The following STRIP2 variants were observed in gnomAD, a reference collection of about 807,000 sequenced individuals.
STRIP2 encodes the protein striatin interacting protein 2, also known as striatin-interacting protein 2.
In STRIP2, 84 loss-of-function variants were observed where a neutral mutation model predicts 107.1. The ratio of observed to expected loss-of-function variants is 0.78; its 90% CI spans 0.66 to 0.94. The LOEUF (loss-of-function observed/expected upper bound fraction) is 0.94. STRIP2 is among the 40% of genes least tolerant of loss of function. The probability of loss-of-function intolerance (pLI) is 0.00; values close to 1 mark genes in which losing one functional copy is unlikely to be tolerated. For synonymous variants in STRIP2, 394 were observed against 400.4 expected (o/e 0.98, Z 0.19); for missense variants, 888 against 1,034.2 (o/e 0.86, Z 1.94).
In STRIP2 at chr7:129,464,672, T is replaced by C. The variant is rs1798628421; in HGVS notation, c.1710T>C (p.Ile570=). The part of the protein sequence containing the change: ...GIDVNRHKEI[I]VKSISTLLLL... ...ATGTGAACAGGCACAAGGAGATTAT[T>C]GTAAAGAGTATCTCTACCCTGCTTC... The change falls in exon 16 of 21, where the codon ATT becomes ATC. Residue 570 remains isoleucine (I), a synonymous_variant. Coordinates refer to ENST00000249344, the MANE Select transcript of STRIP2 (RefSeq NM_020704.3). 3 of 1,614,096 alleles carry C rather than the reference T, an allele frequency of 1.9e-6. No homozygotes were observed. Among genetic ancestry groups the C allele is most frequent in the Middle Eastern group, 1.6e-4 (1 of 6,062 alleles).
intron 3 of STRIP2, among the ~76,000 whole-genome samples, chr7:129,449,747 G>A (rs1426981972): frequency 6.6e-6 from 1 of 152,194 alleles, no homozygotes; most frequent in Non-Finnish European, 1.5e-5. Flanking sequence ...TTGCAGTTCA[G>A]CCATTCACAT....
Position 129,455,226 on chromosome 7 carries a change from C to T in STRIP2, c.707-18C>T. Reference sequence around the variant, plus strand: ...GCCTCATCCTCACTTTCTCACTCCCCTCTCTCCTCACCCCTAGGCTTCTCC... The same window carrying T: ...GCCTCATCCTCACTTTCTCACTCCCTTCTCTCCTCACCCCTAGGCTTCTCC... On this transcript the variant is annotated intron_variant, in intron 7 of 20. Transcript: ENST00000249344. 1 of 1,600,852 alleles carries T rather than the reference C, an allele frequency of 6.2e-7. No homozygotes were observed. The highest frequency in any genetic ancestry group is 8.5e-7 in the Non-Finnish European group (1 of 1,175,132).
intron 17 of STRIP2, among the ~76,000 whole-genome samples, chr7:129,469,598 G>C (rs999365438): frequency 3.9e-5 from 6 of 152,210 alleles, no homozygotes; most frequent in Non-Finnish European, 5.9e-5. Flanking sequence ...AAATCCAATA[G>C]AGTGAATCAA....
Position 129,485,757 on chromosome 7 carries a change from A to G in STRIP2, c.2433A>G (p.Ser811=), listed in dbSNP as rs1342427656. The change falls in exon 21 of 21, where the codon TCA becomes TCG. Residue 811 remains serine (S), a synonymous_variant. Transcript: ENST00000249344. ...RLDLPEDFHY[S]YELWLEREVF... ...ATCTGCCTGAAGATTTCCACTATTC[A>G]TATGAGCTCTGGCTCGAGAGAGAGG... 1.4e-5 allele frequency: 22 copies of G among 1,614,110 alleles called. No individual in the cohort carries two copies. Among genetic ancestry groups the G allele is most frequent in the Non-Finnish European group, 1.9e-5 (22 of 1,180,058 alleles).
rs1242500791 is a variant in STRIP2 at position 129,451,594 on chromosome 7, T to C, written c.275-19T>C. 2.5e-6 allele frequency: 4 copies of C among 1,613,936 alleles called. No individual in the cohort carries two copies. Among genetic ancestry groups the C allele is most frequent in the Non-Finnish European group, 3.4e-6 (4 of 1,179,922 alleles). On this transcript the variant is annotated intron_variant, in intron 3 of 20. Coordinates refer to ENST00000249344, the MANE Select transcript of STRIP2 (RefSeq NM_020704.3). ...GTGGCAATAGCTGACACTGGATGTA[T>C]ATGGCCTTTTATTCCCAGTGCAGGG...
intron 18 of STRIP2, among the ~76,000 whole-genome samples, chr7:129,474,175 A>T (rs1798860579): frequency 6.6e-6 from 1 of 150,930 alleles, no homozygotes; most frequent in African/African-American, 2.4e-5. Context: ...CAGGGTCTCG[A>T]AGTTGCTCAG....
At position 129,483,306 on chromosome 7, in the gene STRIP2, A is replaced by T; in HGVS notation, c.2254+260A>T. Reference sequence around the variant, plus strand: ...AGATAATTAATTGCCTTTCCAAAACATTCTTTTAAATGACAGCTTTCTCCA... The same window carrying T: ...AGATAATTAATTGCCTTTCCAAAACTTTCTTTTAAATGACAGCTTTCTCCA... On this transcript the variant is annotated intron_variant, in intron 20 of 20. Coordinates refer to ENST00000249344, the MANE Select transcript of STRIP2 (RefSeq NM_020704.3). This position sits in a 1 kb window ranked among gnomAD's most constrained non-coding sequence, Gnocchi z 5.1. The T allele has an allele frequency of 8.3e-7, 1 of 1,199,162 alleles. No individual in the cohort carries two copies. Among genetic ancestry groups the T allele is most frequent in the African/African-American group, 1.5e-5 (1 of 64,544 alleles). 74.3% of individuals were successfully genotyped at this position (1,199,162 alleles called of 1,614,324 possible).
At chr7:129,476,181 C>T (rs1287251892) in intron 18 of STRIP2, among the ~76,000 whole-genome samples, 27 of 144,600 alleles carry the variant, frequency 1.9e-4, no homozygotes, top group African/African-American at 4.8e-4. Context: ...GGCGGCTGGC[C>T]GGGCGGGGGC....
intron 1 of STRIP2, among the ~76,000 whole-genome samples, chr7:129,438,089 G>T (rs186643385): frequency 6.6e-6 from 1 of 152,226 alleles, no homozygotes; most frequent in Non-Finnish European, 1.5e-5. Flanking sequence ...ACAGGCGTGA[G>T]CCACTGCGCC....
chr7:129,475,019 G>A (rs556479106), intron 18 of STRIP2, among the ~76,000 whole-genome samples: 1 of 152,256 alleles, frequency 6.6e-6, no homozygotes, highest in South Asian at 2.1e-4. Flanking sequence ...CTCCCACCTG[G>A]TACAGGAAGT....
At chr7:129,457,728 A>G (rs1204931413) in intron 9 of STRIP2, among the ~76,000 whole-genome samples, 1 of 152,252 alleles carries the variant, frequency 6.6e-6, no homozygotes, top group Admixed American at 6.5e-5. Context: ...ACAACCAGAG[A>G]CAGTCACTGT....
intron 19 of STRIP2, among the ~76,000 whole-genome samples, chr7:129,482,289 T>C (rs2151020365): frequency 6.6e-6 from 1 of 151,454 alleles, no homozygotes; most frequent in East Asian, 1.9e-4. Flanking sequence ...TACCATATGC[T>C]TTGAATATTG....
rs12540253 is a variant in STRIP2 at position 129,465,518 on chromosome 7, A to G, written c.1776+780A>G. On this transcript the variant is annotated intron_variant, in intron 16 of 20. Transcript: ENST00000249344. ...GAAGCTGGAGGAATCGGCAAGGAGC[A>G]AATCATAATCTATATGCTAACACAC... Among the ~76,000 whole-genome samples the G allele has an allele frequency of 3.0e-3, 464 of 152,322 alleles. 2 individuals carry two copies. The highest frequency in any genetic ancestry group is 0.019 in the South Asian group (90 of 4,824).
chr7:129,480,643 G>A, intron 18 of STRIP2, 142 bp from the exon 19 acceptor site: 1 of 637,338 alleles, frequency 1.6e-6, no homozygotes, highest in Non-Finnish European at 2.7e-6. Flanking sequence ...GGAGACTTCA[G>A]TGTGTTAAGA....
intron 4 of STRIP2, 32 bp downstream of exon 4, chr7:129,451,779 G>A (rs749939626): frequency 1.5e-5 from 24 of 1,611,550 alleles, no homozygotes; most frequent in Middle Eastern, 2.0e-4. Context: ...CTTTAGAGGG[G>A]TGGAGGCTTG....
intron 16 of STRIP2, among the ~76,000 whole-genome samples, chr7:129,466,607 G>A (rs914746199): frequency 6.6e-6 from 1 of 152,130 alleles, no homozygotes; most frequent in Admixed American, 6.5e-5. Context: ...CCATGACACT[G>A]CTCTTATGGC....
chr7:129,476,749 C>T (rs988154976), intron 18 of STRIP2, among the ~76,000 whole-genome samples: 5 of 152,024 alleles, frequency 3.3e-5, no homozygotes, highest in Admixed American at 6.5e-5. Context: ...CGGGCAGAGA[C>T]GCTCTTCACT....
At chr7:129,463,076 G>T in intron 14 of STRIP2, 36 bp downstream of exon 14, 3 of 1,556,544 alleles carry the variant, frequency 1.9e-6, no homozygotes, top group Non-Finnish European at 2.6e-6. Flanking sequence ...GCCCTTCTCT[G>T]CTGCAAGGAA....
At chr7:129,475,289 T>C (rs1464740407) in intron 18 of STRIP2, among the ~76,000 whole-genome samples, 2 of 152,156 alleles carry the variant, frequency 1.3e-5, no homozygotes, top group African/African-American at 2.4e-5. Flanking sequence ...CTTTGGGGGA[T>C]GGAAAATATT....
Sources: gnomAD v4.1 joint callset for allele counts (sites outside exome capture counted in the v4.1 genomes callset) on GRCh38, gnomAD v4.1.1 for gene constraint, Gnocchi (gnomAD v3.1) non-coding constraint, MANE v1.5 for transcripts, NCBI Gene and HGNC (gene_info 2026-07-23, HGNC 2026-07-21) for gene names.